Variants in RASEF observed in about 807,000 individuals in gnomAD.
RASEF encodes RAS and EF-hand domain containing, also known as ras and EF-hand domain-containing protein.
In RASEF, 68 loss-of-function variants were observed where a neutral mutation model predicts 90.1. The observed-to-expected ratio is 0.75, with a 90% CI of 0.62 to 0.92. The LOEUF (loss-of-function observed/expected upper bound fraction) is 0.92. Among genes scored for constraint, RASEF ranks in the 40% least tolerant of loss-of-function variants. The pLI is 0.00. For missense variants in RASEF, 949 were observed against 937.2 expected (o/e 1.01, Z -0.16); for synonymous variants, 331 against 345.2 (o/e 0.96, Z 0.46).
intron 3 of RASEF, among the ~76,000 whole-genome samples, chr9:83,019,427 A>G (rs1829403227): frequency 6.6e-6 from 1 of 152,162 alleles, no homozygotes; most frequent in African/African-American, 2.4e-5. Context: ...AGATTCCTCT[A>G]CACACCGATT....
chr9:83,078,664 A>AAG, the RASEF span, among the ~76,000 whole-genome samples: 1 of 151,490 alleles, frequency 6.6e-6, no homozygotes, highest in South Asian at 2.1e-4. Context: ...ACCCTGTCTA[A>AAG]AGAAAAAAAA....
chr9:83,198,301 G>C, the RASEF span, among the ~76,000 whole-genome samples: 1 of 152,068 alleles, frequency 6.6e-6, no homozygotes, highest in Non-Finnish European at 1.5e-5. Context: ...ATACAATTTA[G>C]GTAAAGACTA....
At chr9:83,135,838 C>T in the RASEF span, among the ~76,000 whole-genome samples, 13 of 152,170 alleles carry the variant, frequency 8.5e-5, 1 homozygote, top group East Asian at 2.5e-3. Flanking sequence ...AGGATTTCTT[C>T]AAAAGAATTG....
chr9:83,169,483 T>C, the RASEF span, among the ~76,000 whole-genome samples: 1 of 152,102 alleles, frequency 6.6e-6, no homozygotes, highest in Admixed American at 6.6e-5. Flanking sequence ...GCTGTGCTAA[T>C]TTACATTGCC....
intron 1 of RASEF, among the ~76,000 whole-genome samples, chr9:83,039,673 C>A (rs548256566): frequency 6.6e-6 from 1 of 152,296 alleles, no homozygotes; most frequent in Non-Finnish European, 1.5e-5. Flanking sequence ...GAACTTTACA[C>A]GCACCAGCAT....
At chr9:83,104,721 A>AG in the RASEF span, among the ~76,000 whole-genome samples, 1 of 152,208 alleles carries the variant, frequency 6.6e-6, no homozygotes, top group Non-Finnish European at 1.5e-5. Context: ...CATTCTTGGT[A>AG]GGATGTATCA....
the RASEF span, among the ~76,000 whole-genome samples, chr9:83,156,493 TA>T: frequency 6.6e-6 from 1 of 152,218 alleles, no homozygotes; most frequent in African/African-American, 2.4e-5. Flanking sequence ...TCTTCTTTCC[TA>T]ATTACACTCA....
At chr9:83,189,906 C>A in the RASEF span, among the ~76,000 whole-genome samples, 2 of 152,200 alleles carry the variant, frequency 1.3e-5, no homozygotes, top group Non-Finnish European at 2.9e-5. Flanking sequence ...TCAAAGGGAA[C>A]CCAATTCCAA....
chr9:83,105,451 T>C, the RASEF span, among the ~76,000 whole-genome samples: 2 of 152,188 alleles, frequency 1.3e-5, no homozygotes, highest in Non-Finnish European at 2.9e-5. Flanking sequence ...ATCGACACAA[T>C]GTACCTTGCC....
At chr9:83,164,161 A>C in the RASEF span, among the ~76,000 whole-genome samples, 1 of 151,272 alleles carries the variant, frequency 6.6e-6, no homozygotes, top group Non-Finnish European at 1.5e-5. Flanking sequence ...GAATAGAGAG[A>C]AGGAAAATTG....
At chr9:83,126,985 C>T in the RASEF span, among the ~76,000 whole-genome samples, 3 of 152,154 alleles carry the variant, frequency 2.0e-5, no homozygotes, top group African/African-American at 7.2e-5. Flanking sequence ...TTGGTAATGC[C>T]TATGGACCTA....
intron 3 of RASEF, among the ~76,000 whole-genome samples, chr9:83,017,987 C>T (rs1829374559): frequency 6.6e-6 from 1 of 152,028 alleles, no homozygotes; most frequent in Non-Finnish European, 1.5e-5. Context: ...ATCCAACATC[C>T]ATTCCTGACT....
At chr9:83,005,395 T>C (rs1474049828) in intron 8 of RASEF, 21 bp downstream of exon 8, 3 of 1,546,682 alleles carry the variant, frequency 1.9e-6, no homozygotes, top group East Asian at 2.2e-5. Flanking sequence ...ATGAAATACA[T>C]GGTAAAACTA....
At chr9:83,049,523 GCCTT>G (rs1246388593) in intron 1 of RASEF, among the ~76,000 whole-genome samples, 1 of 117,400 alleles carries the variant, frequency 8.5e-6, no homozygotes, top group Non-Finnish European at 1.7e-5. Flanking sequence ...CCACCTTTCT[GCCTT>G]CCTTTTTTTT....
At chr9:83,109,543 A>C in the RASEF span, among the ~76,000 whole-genome samples, 1 of 152,220 alleles carries the variant, frequency 6.6e-6, no homozygotes, top group Admixed American at 6.5e-5. Flanking sequence ...GAATAATAAG[A>C]AAAACCTATC....
At chr9:83,181,994 G>A in the RASEF span, among the ~76,000 whole-genome samples, 1 of 152,154 alleles carries the variant, frequency 6.6e-6, no homozygotes, top group African/African-American at 2.4e-5. Flanking sequence ...AGCATCCCCT[G>A]CTCAGAACAC....
At chr9:83,092,003 C>CCTTTTTT in the RASEF span, among the ~76,000 whole-genome samples, 1 of 35,920 alleles carries the variant, frequency 2.8e-5, no homozygotes. Flanking sequence ...TCTTTTATTT[C>CCTTTTTT]TTTTTTTTTT....
At chr9:83,153,203 C>T in the RASEF span, among the ~76,000 whole-genome samples, 2 of 152,134 alleles carry the variant, frequency 1.3e-5, no homozygotes, top group Non-Finnish European at 2.9e-5. Flanking sequence ...AACATCACCA[C>T]TTCCCTTATA....
At chr9:83,065,598 G>C (rs1057383533), upstream of RASEF, among the ~76,000 whole-genome samples, 1 of 152,108 alleles carries the variant, frequency 6.6e-6, no homozygotes, top group African/African-American at 2.4e-5. Context: ...AAAAAAACAG[G>C]GATACAGAGA....
Sources: allele counts gnomAD v4.1 joint callset (sites outside exome capture counted in the v4.1 genomes callset), GRCh38; gene constraint gnomAD v4.1.1; transcripts MANE v1.5; gene names NCBI Gene and HGNC (gene_info 2026-07-23, HGNC 2026-07-21).